Variants in ASAP1 observed in about 807,000 individuals in gnomAD.
ASAP1 encodes ArfGAP with SH3 domain, ankyrin repeat and PH domain 1.
In ASAP1, 43 loss-of-function variants were observed where a neutral mutation model predicts 145.2. The ratio of observed to expected loss-of-function variants is 0.30; its 90% CI spans 0.23 to 0.38. The LOEUF is 0.38. ASAP1 is among the 10% of genes least tolerant of loss of function. ASAP1 has a pLI of 1.00. For missense variants in ASAP1, 1,018 were observed against 1,355.3 expected, an observed-to-expected ratio of 0.75 and a Z score of 3.91; for synonymous variants, 546 against 515.5, an observed-to-expected ratio of 1.06 and a Z score of -0.80.
intron 1 of ASAP1, among the ~76,000 whole-genome samples, chr8:130,429,398 G>C (rs1253364812): frequency 6.6e-6 from 1 of 152,150 alleles, no homozygotes; most frequent in Non-Finnish European, 1.5e-5. Flanking sequence ...TCTCACTTTA[G>C]ATAGTTCTCT....
rs190048114 is a variant in ASAP1 at position 130,393,925 on chromosome 8, C to T, written c.59+7960G>A. 7.5e-4 allele frequency among the ~76,000 whole-genome samples: 114 copies of T among 152,326 alleles called. 1 individual carries two copies. Among genetic ancestry groups the T allele is most frequent in the Admixed American group, 2.4e-3 (36 of 15,298 alleles). ...ACATAAATTGTGAAGATTTCATGGA[C>T]ACTTATCACTTCCCCAATCAATACC... is the stretch of plus-strand genomic sequence containing the variant. On this transcript the variant is annotated intron_variant, in intron 2 of 29. Transcript: ENST00000518721.
chr8:130,152,697 C>T (rs1034108402), intron 13 of ASAP1, 39 bp downstream of exon 13: 3 of 1,509,108 alleles, frequency 2.0e-6, no homozygotes, highest in Admixed American at 1.7e-5. Flanking sequence ...TGTTTGCTTT[C>T]TGGCCCATGA....
At chr8:130,433,881 T>C (rs539719425) in intron 1 of ASAP1, among the ~76,000 whole-genome samples, 1 of 152,338 alleles carries the variant, frequency 6.6e-6, no homozygotes, top group East Asian at 1.9e-4. Context: ...TTAGGCAGGC[T>C]AAGAGAAAGG....
At position 130,399,855 on chromosome 8, in the gene ASAP1, T is replaced by C. The variant is rs183810369; in HGVS notation, c.59+2030A>G. Among the ~76,000 whole-genome samples the C allele has an allele frequency of 8.8e-3, 1,052 of 120,040 alleles. 11 individuals are homozygous for C. The highest frequency in any genetic ancestry group is 0.041 in the African/African-American group (1,023 of 25,024). The allele number at this position is 120,040 out of a possible 152,430, so 78.8% of individuals were successfully genotyped here. ...TTTTGAGACAGAGTTTCGCTCTTGT[T>C]GCCCAGGCTGGAGTAGTACAATGGC... On this transcript the variant is annotated intron_variant, in intron 2 of 29. Coordinates refer to ENST00000518721, the MANE Select transcript of ASAP1 (RefSeq NM_018482.4).
intron 3 of ASAP1, among the ~76,000 whole-genome samples, chr8:130,282,228 T>C (rs1184353769): frequency 3.9e-5 from 6 of 152,222 alleles, no homozygotes; most frequent in Non-Finnish European, 5.9e-5. Flanking sequence ...AAGTATACCA[T>C]GTTTTAGGGA....
intron 1 of ASAP1, among the ~76,000 whole-genome samples, chr8:130,417,486 C>T (rs1023185422): frequency 3.3e-5 from 5 of 152,080 alleles, no homozygotes; most frequent in African/African-American, 9.7e-5. Context: ...GTGATACGGG[C>T]GGAAAGAGCA....
intron 13 of ASAP1, among the ~76,000 whole-genome samples, chr8:130,145,908 C>G (rs182354167): frequency 6.9e-6 from 1 of 145,494 alleles, no homozygotes; most frequent in Non-Finnish European, 1.5e-5. Context: ...GTGGTGTGAT[C>G]TCGGCTCATT....
At chr8:130,118,700 T>G in intron 18 of ASAP1, 25 bp from the exon 19 acceptor site, 3 of 1,398,744 alleles carry the variant, frequency 2.1e-6, no homozygotes, top group Non-Finnish European at 2.8e-6. Flanking sequence ...AATAAAGAAT[T>G]TTTATTTTCC....
intron 2 of ASAP1, among the ~76,000 whole-genome samples, chr8:130,371,660 G>A (rs2138290369): frequency 6.6e-6 from 1 of 152,300 alleles, no homozygotes; most frequent in Admixed American, 6.5e-5. Context: ...CTACTGTAAT[G>A]TGGTTGTGAC....
At chr8:130,142,376 T>A (rs1049701506) in intron 13 of ASAP1, among the ~76,000 whole-genome samples, 4 of 152,224 alleles carry the variant, frequency 2.6e-5, no homozygotes, top group African/African-American at 9.6e-5. Context: ...TATTTTAATA[T>A]CTTCTTGGGT....
At chr8:130,339,020 A>G (rs1825212372) in intron 3 of ASAP1, among the ~76,000 whole-genome samples, 1 of 152,242 alleles carries the variant, frequency 6.6e-6, no homozygotes, top group Non-Finnish European at 1.5e-5. Context: ...TAAGAAGTGC[A>G]GCAGTCAGGA....
chr8:130,134,270 C>T (rs767167505), intron 15 of ASAP1, 26 bp downstream of exon 15: 11 of 1,542,476 alleles, frequency 7.1e-6, no homozygotes, highest in Middle Eastern at 1.7e-4. Flanking sequence ...TCCAAGGCAT[C>T]GCACCTTTAT....
chr8:130,193,042 G>A (rs1192468727), intron 5 of ASAP1, among the ~76,000 whole-genome samples: 1 of 152,090 alleles, frequency 6.6e-6, no homozygotes, highest in Non-Finnish European at 1.5e-5. Context: ...TAAAAGCAAG[G>A]TATAAAACAT....
At chr8:130,277,805 T>A (rs191163693) in intron 3 of ASAP1, among the ~76,000 whole-genome samples, 1 of 152,048 alleles carries the variant, frequency 6.6e-6, no homozygotes, top group Non-Finnish European at 1.5e-5. Context: ...GCCACTCATA[T>A]TGTGTCTGTT....
intron 3 of ASAP1, among the ~76,000 whole-genome samples, chr8:130,282,824 C>T (rs939866201): frequency 3.3e-5 from 5 of 152,130 alleles, no homozygotes; most frequent in Admixed American, 6.5e-5. Context: ...GAAATAGTTA[C>T]TGGGGTCAGG....
intron 24 of ASAP1, among the ~76,000 whole-genome samples, chr8:130,107,535 T>C (rs145923803): frequency 2.3e-5 from 2 of 88,310 alleles, no homozygotes; most frequent in African/African-American, 7.3e-5. Context: ...TGTATGTATG[T>C]ATGTATGTAT....
At chr8:130,228,722 G>A (rs200882512) in intron 4 of ASAP1, among the ~76,000 whole-genome samples, 9 of 143,984 alleles carry the variant, frequency 6.3e-5, no homozygotes, top group African/African-American at 5.1e-5. Context: ...AAAAGAAAAA[G>A]AATCTAAATA....
At chr8:130,172,991 T>G (rs891986573) in intron 9 of ASAP1, among the ~76,000 whole-genome samples, 1 of 152,242 alleles carries the variant, frequency 6.6e-6, no homozygotes, top group South Asian at 2.1e-4. Flanking sequence ...GATACATGAA[T>G]CTAGTAATCA....
rs1457879375 is a variant in ASAP1 at position 130,053,682 on chromosome 8, A to T, written c.*1049T>A. The T allele has an allele frequency of 1.3e-5, 2 of 152,246 alleles. No individual in the cohort carries two copies. The highest frequency in any genetic ancestry group is 1.3e-4 in the Admixed American group (2 of 15,284). 9.4% of individuals were successfully genotyped at this position (152,246 alleles called of 1,614,324 possible). A position where few individuals can be genotyped will look rare whatever the true frequency, so the allele number is the denominator to read the frequency against. ...TCTTGAATAATCTTTTAAAAGTTTA[A>T]ATTTGTCCAAGAACAAAACTAAGAA... On this transcript the variant is annotated 3_prime_UTR_variant, in exon 30 of 30. Transcript: ENST00000518721.
Sources: gnomAD v4.1 joint callset for allele counts (sites outside exome capture counted in the v4.1 genomes callset) on GRCh38, gnomAD v4.1.1 for gene constraint, MANE v1.5 for transcripts, NCBI Gene and HGNC (gene_info 2026-07-23, HGNC 2026-07-21) for gene names.